LPIN1: variants seen among roughly 807,000 people sequenced by gnomAD.
LPIN1 encodes lipin 1, also known as phosphatidate phosphatase LPIN1.
LPIN1 carries 71 observed loss-of-function variants against 107.5 expected under a neutral mutation model. The ratio of observed to expected loss-of-function variants is 0.66; its 90% CI spans 0.55 to 0.80. The LOEUF is 0.80. Among genes scored for constraint, LPIN1 ranks in the 30% least tolerant of loss-of-function variants. The pLI is 0.00. For missense variants in LPIN1, 1,043 were observed against 1,160.6 expected, an observed-to-expected ratio of 0.90 and a Z score of 1.47; for synonymous variants, 445 against 452.6, an observed-to-expected ratio of 0.98 and a Z score of 0.21.
intron 1 of LPIN1, among the ~76,000 whole-genome samples, chr2:11,712,910 A>G (rs1663503817): frequency 6.6e-6 from 1 of 152,226 alleles, no homozygotes; most frequent in South Asian, 2.1e-4. Context: ...CGCCATGCCA[A>G]CAGTCCTAAT....
chr2:11,728,255 G>T (rs1434729860), intron 1 of LPIN1, among the ~76,000 whole-genome samples: 1 of 152,074 alleles, frequency 6.6e-6, no homozygotes, highest in African/African-American at 2.4e-5. Flanking sequence ...ATTTAAGGTA[G>T]GTTTCCTGTA....
At chr2:11,709,865 T>C (rs559523843) in intron 1 of LPIN1, among the ~76,000 whole-genome samples, 1 of 152,308 alleles carries the variant, frequency 6.6e-6, no homozygotes, top group East Asian at 1.9e-4. Context: ...AGCAAGAGCT[T>C]TGGAGTCCCA....
At chr2:11,790,768 A>T (rs1479500798) in intron 12 of LPIN1, among the ~76,000 whole-genome samples, 2 of 152,136 alleles carry the variant, frequency 1.3e-5, no homozygotes, top group East Asian at 3.8e-4. Flanking sequence ...TGTTCCTGTG[A>T]TATGTGTCCT....
intron 1 of LPIN1, among the ~76,000 whole-genome samples, chr2:11,702,413 C>T (rs1344568046): frequency 6.6e-6 from 1 of 152,134 alleles, no homozygotes; most frequent in East Asian, 1.9e-4. Context: ...GGTCTGGGCT[C>T]TGGACTGGTT....
intron 1 of LPIN1, among the ~76,000 whole-genome samples, chr2:11,738,046 C>T (rs1665964023): frequency 6.6e-6 from 1 of 152,156 alleles, no homozygotes; most frequent in Non-Finnish European, 1.5e-5. Context: ...CCATGGAATA[C>T]TATGCAGCCA....
chr2:11,709,790 C>G (rs1178533375), intron 1 of LPIN1, among the ~76,000 whole-genome samples: 2 of 152,230 alleles, frequency 1.3e-5, no homozygotes, highest in Non-Finnish European at 1.5e-5. Flanking sequence ...TCTCTGAATT[C>G]TCTCTTTTCC....
chr2:11,695,971 G>A (rs1018547455), intron 1 of LPIN1, among the ~76,000 whole-genome samples: 4 of 151,430 alleles, frequency 2.6e-5, no homozygotes, highest in African/African-American at 9.7e-5. Context: ...CTACCCAGTG[G>A]CCAGGCCCTT....
chr2:11,757,675 G>A (rs558299678), intron 1 of LPIN1, among the ~76,000 whole-genome samples: 3 of 151,980 alleles, frequency 2.0e-5, no homozygotes, highest in African/African-American at 4.8e-5. Context: ...GGTCCCTCCC[G>A]TGCCTCCTGG....
chr2:11,810,718 G>A (rs1461316884), intron 17 of LPIN1, among the ~76,000 whole-genome samples: 5 of 152,172 alleles, frequency 3.3e-5, no homozygotes, highest in Admixed American at 6.5e-5. Context: ...GGGTGGACCC[G>A]GGATGGTGCC....
Position 11,814,951 on chromosome 2 carries a change from G to T in LPIN1, c.2250-137G>T, listed in dbSNP as rs1032626971. On this transcript the variant is annotated intron_variant, in intron 17 of 20. Coordinates refer to ENST00000674199, the MANE Select transcript of LPIN1 (RefSeq NM_001349206.2). ...ATTTCTCAATTGCAAGCAAGATTTT[G>T]TAGAATGTGGACTTTTGTATGTGGG... 39 of 781,064 alleles carry T rather than the reference G, an allele frequency of 5.0e-5. 1 individual carries two copies. The Admixed American group carries it at 5.2e-4, about 10-fold the overall frequency. 48.4% of individuals were successfully genotyped at this position (781,064 alleles called of 1,614,324 possible).
intron 1 of LPIN1, among the ~76,000 whole-genome samples, chr2:11,760,071 C>T (rs528626059): frequency 3.3e-5 from 5 of 152,304 alleles, no homozygotes; most frequent in East Asian, 1.9e-4. Flanking sequence ...GCGCTCCTCA[C>T]ATCCCAGACG....
At chr2:11,809,721 C>CT (rs1191096090) in intron 17 of LPIN1, among the ~76,000 whole-genome samples, 1 of 152,168 alleles carries the variant, frequency 6.6e-6, no homozygotes, top group African/African-American at 2.4e-5. Context: ...CGGCCTAGAT[C>CT]TTTTTTCCTT....
At chr2:11,789,255 T>C (rs993426532) in intron 12 of LPIN1, among the ~76,000 whole-genome samples, 3 of 152,206 alleles carry the variant, frequency 2.0e-5, no homozygotes, top group African/African-American at 7.2e-5. Context: ...CTAGGCTTGC[T>C]GCTTCCTGGG....
chr2:11,787,398 C>CTTTTTTTTTTTTTTTT (rs1205272301), intron 11 of LPIN1, among the ~76,000 whole-genome samples: 59 of 64,540 alleles, frequency 9.1e-4, no homozygotes, highest in East Asian at 3.0e-3. Context: ...TTTTCTTTTT[C>CTTTTTTTTTTTTTTTT]TTTTTTTTTT....
At position 11,803,048 on chromosome 2, in the gene LPIN1, C is replaced by T. The variant is rs767191309; in HGVS notation, c.2013+15C>T. ...CCGAGCAGCTTGTGAGTCTCCCATG[C>T]TTGGCGCGGCTGTGTTGTGAGCACA... is the stretch of plus-strand genomic sequence containing the variant. On this transcript the variant is annotated intron_variant, in intron 15 of 20. Transcript: ENST00000674199. This position sits in a 1 kb window ranked among gnomAD's most constrained non-coding sequence, Gnocchi z 4.2. The T allele has an allele frequency of 6.2e-7, 1 of 1,611,946 alleles. No homozygotes were observed. Among genetic ancestry groups the T allele is most frequent in the Admixed American group, 1.7e-5 (1 of 60,032 alleles).
chr2:11,803,081 T>C lies in LPIN1; in HGVS notation c.2013+48T>C. 1 of 1,610,064 alleles carries C rather than the reference T, an allele frequency of 6.2e-7. No homozygotes were observed. Among genetic ancestry groups the C allele is most frequent in the Non-Finnish European group, 8.5e-7 (1 of 1,179,684 alleles). On this transcript the variant is annotated intron_variant, in intron 15 of 20. Transcript: ENST00000674199. The surrounding 1 kb of genome is among the most constrained non-coding windows in gnomAD (Gnocchi z 4.2). ...GGCTGTGTTGTGAGCACATGAGGTT[T>C]CTGCAGACTCCTAAGGCTGTGTGAT...
At chr2:11,681,968 C>T (rs1661738385) in intron 1 of LPIN1, among the ~76,000 whole-genome samples, 1 of 152,220 alleles carries the variant, frequency 6.6e-6, no homozygotes, top group Non-Finnish European at 1.5e-5. Flanking sequence ...GTCCACTTCT[C>T]CCATACCGCG....
intron 1 of LPIN1, among the ~76,000 whole-genome samples, chr2:11,690,715 A>C (rs1390711717): frequency 6.6e-6 from 1 of 151,466 alleles, no homozygotes; most frequent in Non-Finnish European, 1.5e-5. Flanking sequence ...TCTCTCTTTT[A>C]TGTTTCCTGT....
intron 14 of LPIN1, among the ~76,000 whole-genome samples, chr2:11,796,673 G>A (rs571385350): frequency 1.3e-5 from 2 of 152,260 alleles, no homozygotes; most frequent in African/African-American, 2.4e-5. Context: ...AGAAAGAATA[G>A]GAAGGCACCA....
Sources: allele counts gnomAD v4.1 joint callset (sites outside exome capture counted in the v4.1 genomes callset), GRCh38; gene constraint gnomAD v4.1.1; non-coding constraint Gnocchi (gnomAD v3.1); transcripts MANE v1.5; gene names NCBI Gene and HGNC (gene_info 2026-07-23, HGNC 2026-07-21).